Variants in U2SURP observed in about 807,000 individuals in gnomAD.
U2SURP encodes the protein U2 snRNP associated SURP domain containing, also known as U2 snRNP-associated SURP motif-containing protein.
A neutral mutation model predicts 144.9 loss-of-function variants in U2SURP; 9 were observed. The ratio of observed to expected loss-of-function variants is 0.06; its 90% CI spans 0.04 to 0.11. U2SURP has a LOEUF of 0.11. U2SURP is among the 10% of genes least tolerant of loss of function. The pLI, the probability that U2SURP is intolerant of heterozygous loss-of-function variation, is 1.00. For synonymous variants in U2SURP, 408 were observed against 396.8 expected (o/e 1.03, Z -0.33); for missense variants, 724 against 1,226.7 (o/e 0.59, Z 6.12).
chr3:143,036,282 G>T (rs533962438), intron 20 of U2SURP, among the ~76,000 whole-genome samples, 178 bp downstream of exon 20: 1 of 152,218 alleles, frequency 6.6e-6, no homozygotes, highest in East Asian at 1.9e-4. Flanking sequence ...CATGTAACAG[G>T]AATTCTCTGT....
chr3:143,050,712 C>T (rs1934812328), intron 24 of U2SURP, among the ~76,000 whole-genome samples: 1 of 152,148 alleles, frequency 6.6e-6, no homozygotes, highest in African/African-American at 2.4e-5. Flanking sequence ...TTCTTACAGC[C>T]ATGAAGCACG....
intron 22 of U2SURP, 38 bp downstream of exon 22, chr3:143,038,241 A>G (rs1349648640): frequency 2.1e-6 from 3 of 1,429,158 alleles, no homozygotes; most frequent in African/African-American, 2.9e-5. Context: ...TAAATTAAGT[A>G]CTTGTACGTT....
chr3:143,033,393 T>A, intron 18 of U2SURP, 43 bp downstream of exon 18: 2 of 1,063,836 alleles, frequency 1.9e-6, no homozygotes, highest in Non-Finnish European at 2.8e-6. Flanking sequence ...ATAAAGTATT[T>A]AAGGGTAAGG....
Position 143,038,198 on chromosome 3 carries a change from C to A in U2SURP, c.2312C>A (p.Ala771Glu). The A allele has an allele frequency of 1.3e-6, 2 of 1,598,960 alleles. No individual in the cohort carries two copies. Among genetic ancestry groups the A allele is most frequent in the South Asian group, 1.1e-5 (1 of 87,768 alleles). The part of the protein sequence containing the change: ...WEAVDESELE[A>E]QAVTTSKWEL... ...GCTGTGGATGAATCTGAATTGGAAGCACAGGGTGAGTAAAAGTAAAATAAA... is the reference window on the plus strand; with the variant it reads ...GCTGTGGATGAATCTGAATTGGAAGAACAGGGTGAGTAAAAGTAAAATAAA... Residue 771 changes from alanine (A) to glutamate (E), a missense_variant, in exon 22 of 28, where the codon GCA becomes GAA. Transcript: ENST00000473835.
In U2SURP at chr3:143,001,633, C is replaced by T; in HGVS notation, c.5C>T (p.Ala2Val). 6.2e-7 allele frequency: 1 copy of T among 1,613,956 alleles called. No individual in the cohort carries two copies. The highest frequency in any genetic ancestry group is 8.5e-7 in the Non-Finnish European group (1 of 1,179,864). M[A>V]DKTPGGSQKA... ...GAAGGAGGGGCAAAGCTCAAGATGGCGGACAAAACGCCAGGCGGATCTCAG... is the reference window on the plus strand; with the variant it reads ...GAAGGAGGGGCAAAGCTCAAGATGGTGGACAAAACGCCAGGCGGATCTCAG... The change falls in exon 1 of 28, where the codon GCG (alanine) becomes GTG (valine). Residue 2 changes from alanine to valine, a missense_variant. Ala to Val is a moderately conservative substitution (Grantham distance 64). Transcript: ENST00000473835.
intron 23 of U2SURP, 115 bp from the exon 24 acceptor site, chr3:143,043,002 A>C (rs536430759): frequency 9.9e-7 from 1 of 1,013,908 alleles, no homozygotes; most frequent in Non-Finnish European, 1.4e-6. Flanking sequence ...TTGTCCTATT[A>C]TGTTTTGGCT....
intron 13 of U2SURP, among the ~76,000 whole-genome samples, chr3:143,024,919 C>T (rs1008041380): frequency 1.3e-5 from 2 of 151,688 alleles, no homozygotes; most frequent in African/African-American, 4.8e-5. Flanking sequence ...TATTGTTGCC[C>T]AGAATAAGAT....
rs551844799 is a variant in U2SURP, at chr3:143,051,312, A to G, written c.2655+263A>G. ...ATTCTGCTAAGAGCATGCTTTCAAAACTGGAAAACCCTTCAGGACAAGTCA... is the reference window on the plus strand; with the variant it reads ...ATTCTGCTAAGAGCATGCTTTCAAAGCTGGAAAACCCTTCAGGACAAGTCA... On this transcript the variant is annotated intron_variant, in intron 25 of 27. Transcript: ENST00000473835. Among the ~76,000 whole-genome samples the G allele has an allele frequency of 2.5e-4, 38 of 152,334 alleles. No homozygotes were observed. In the South Asian group the frequency reaches 7.9e-3, roughly 32 times the overall value.
chr3:143,001,751 G>A, intron 1 of U2SURP, 78 bp downstream of exon 1: 4 of 1,577,836 alleles, frequency 2.5e-6, no homozygotes, highest in Non-Finnish European at 3.5e-6. Context: ...TGGCCTGTGA[G>A]AGGCGATTGG....
intron 13 of U2SURP, chr3:143,024,601 C>T (rs1314913283): frequency 2.7e-6 from 1 of 374,584 alleles, no homozygotes; most frequent in Non-Finnish European, 5.2e-6. Context: ...TTTCAACACA[C>T]TATTAAAGCA....
chr3:143,052,282 T>C (rs1372680815), intron 25 of U2SURP, among the ~76,000 whole-genome samples: 1 of 152,152 alleles, frequency 6.6e-6, no homozygotes, highest in Non-Finnish European at 1.5e-5. Context: ...TAATCCTAGC[T>C]ACTCAGGAGG....
intron 6 of U2SURP, among the ~76,000 whole-genome samples, chr3:143,019,388 A>G (rs905910075): frequency 1.3e-5 from 2 of 152,200 alleles, no homozygotes; most frequent in African/African-American, 4.8e-5. Context: ...TTTTCTCCCA[A>G]AAGTGTTATA....
chr3:143,034,141 C>T (rs536304848), intron 18 of U2SURP, among the ~76,000 whole-genome samples: 3 of 152,150 alleles, frequency 2.0e-5, no homozygotes, highest in African/African-American at 7.2e-5. Flanking sequence ...CAGTGGCTCA[C>T]GCCTGTAATC....
At position 143,056,492 on chromosome 3, in the gene U2SURP, T is replaced by G; in HGVS notation, c.*42T>G. 1.2e-6 allele frequency: 2 copies of G among 1,605,028 alleles called. No individual in the cohort carries two copies. Among genetic ancestry groups the G allele is most frequent in the Non-Finnish European group, 1.7e-6 (2 of 1,176,192 alleles). ...GCTGTCACTTATTGGAAATGCGATT[T>G]GTTTTGTGCCTGAACGGTCTGTTTT... On this transcript the variant is annotated 3_prime_UTR_variant, in exon 28 of 28. Coordinates refer to ENST00000473835, the MANE Select transcript of U2SURP (RefSeq NM_001080415.2).
chr3:143,005,431 G>A (rs1935785463), intron 1 of U2SURP, among the ~76,000 whole-genome samples: 1 of 152,100 alleles, frequency 6.6e-6, no homozygotes, highest in Admixed American at 6.5e-5. Flanking sequence ...TGAAAATCAG[G>A]CTTTCAAACA....
chr3:143,004,226 A>T (rs894206455), intron 1 of U2SURP, among the ~76,000 whole-genome samples: 3 of 152,076 alleles, frequency 2.0e-5, no homozygotes, highest in Admixed American at 1.3e-4. Context: ...ATGGATAGGG[A>T]TGCTTATTAT....
chr3:143,047,264 G>C (rs1346620766), intron 24 of U2SURP, among the ~76,000 whole-genome samples: 4 of 69,776 alleles, frequency 5.7e-5, no homozygotes, highest in African/African-American at 3.9e-4. Flanking sequence ...GGCCGGCCTG[G>C]CGGGGGGCTG....
intron 1 of U2SURP, chr3:143,002,280 A>G (rs1935578092): frequency 6.6e-6 from 1 of 152,466 alleles, no homozygotes; most frequent in African/African-American, 2.4e-5. Context: ...AACGGGAAGT[A>G]AAAAGCACTT....
In U2SURP at chr3:143,043,027, C is replaced by CT. The variant is rs1934198875; in HGVS notation, c.2385-89dup. The CT allele has an allele frequency of 2.3e-6, 3 of 1,294,424 alleles. 1 individual carries two copies. Among genetic ancestry groups the CT allele is most frequent in the South Asian group, 3.4e-5 (2 of 58,294 alleles). The allele number at this position is 1,294,424 out of a possible 1,614,324, so 80.2% of individuals were successfully genotyped here. On this transcript the variant is annotated intron_variant, in intron 23 of 27. Transcript: ENST00000473835. ...ATGTTTTGGCTATGTTATTTAAGCT[C>CT]TAAGACAATGAAAAATAAAATAGGT...
Sources: allele counts gnomAD v4.1 joint callset (sites outside exome capture counted in the v4.1 genomes callset), GRCh38; gene constraint gnomAD v4.1.1; transcripts MANE v1.5; gene names NCBI Gene and HGNC (gene_info 2026-07-23, HGNC 2026-07-21).